The following NR3C2 variants were observed in gnomAD, a reference collection of about 807,000 sequenced individuals.
The protein encoded by NR3C2 is nuclear receptor subfamily 3 group C member 2.
In NR3C2, 15 loss-of-function variants were observed where a neutral mutation model predicts 86.4. The observed-to-expected ratio is 0.17, with a 90% CI of 0.12 to 0.27. The LOEUF (loss-of-function observed/expected upper bound fraction) is 0.27, where lower values mean the gene tolerates loss of function less well. NR3C2 is among the 10% of genes least tolerant of loss of function. The pLI, the probability that NR3C2 is intolerant of heterozygous loss-of-function variation, is 1.00. For missense variants in NR3C2, 960 were observed against 1,195.6 expected (o/e 0.80, Z 2.91); for synonymous variants, 458 against 450.5 (o/e 1.02, Z -0.21).
In NR3C2 at chr4:148,096,187, A is replaced by C. The variant is rs541442340; in HGVS notation, c.2800-14688T>G. ...AGAGAAAAATGACACAATGGAAAAG[A>C]AGAAAGTGGAGCTTACAGATAAAGG... On this transcript the variant is annotated intron_variant, in intron 8 of 8. Coordinates refer to ENST00000358102, the MANE Select transcript of NR3C2 (RefSeq NM_000901.5). Among the ~76,000 whole-genome samples the C allele has an allele frequency of 8.5e-5, 13 of 152,324 alleles. No homozygotes were observed. In the South Asian group the frequency reaches 2.1e-3, roughly 24 times the overall value.
chr4:148,257,733 G>A (rs541111336), intron 3 of NR3C2, among the ~76,000 whole-genome samples: 1 of 152,058 alleles, frequency 6.6e-6, no homozygotes, highest in Admixed American at 6.6e-5. Context: ...GGATAAAAGA[G>A]TAAACTAACA....
intron 2 of NR3C2, among the ~76,000 whole-genome samples, chr4:148,323,765 CTGTGCCCACTGTCT>C (rs1407179053): frequency 6.6e-6 from 1 of 152,114 alleles, no homozygotes; most frequent in Non-Finnish European, 1.5e-5. Context: ...ACCCACTGAC[CTGTGCCCACTGTCT>C]GGCACTCCCT....
Position 148,259,884 on chromosome 4 carries a change from T to C in NR3C2, c.1897+94A>G, listed in dbSNP as rs141973281. ...TGACAGATTAAATCAAAAATCTTTT[T>C]GAAGAATTCCCAATAATGCTATAGC... On this transcript the variant is annotated intron_variant, in intron 3 of 8. Coordinates refer to ENST00000358102, the MANE Select transcript of NR3C2 (RefSeq NM_000901.5). 188 of 1,506,268 alleles carry C rather than the reference T, an allele frequency of 1.2e-4. No individual in the cohort carries two copies. In the East Asian group the frequency reaches 2.2e-3, roughly 18 times the overall value. The allele number at this position is 1,506,268 out of a possible 1,614,324, so 93.3% of individuals were successfully genotyped here. A position where few individuals can be genotyped will look rare whatever the true frequency, so the allele number is the denominator to read the frequency against.
In NR3C2 at chr4:148,334,692, A is replaced by C. The variant is rs1744396412; in HGVS notation, c.1758-74575T>G. ...AAAAAAGTGTCTGTAGCTATCAAAC[A>C]GATTATCTTAAAACATTCTTGAACT... On this transcript the variant is annotated intron_variant, in intron 2 of 8. Transcript: ENST00000358102. Among the ~76,000 whole-genome samples, 3 of 152,260 alleles carry C rather than the reference A, an allele frequency of 2.0e-5. No individual in the cohort carries two copies. In the South Asian group the frequency reaches 6.2e-4, roughly 31 times the overall value.
intron 2 of NR3C2, among the ~76,000 whole-genome samples, chr4:148,409,337 T>C (rs1373178668): frequency 6.6e-6 from 1 of 152,154 alleles, no homozygotes; most frequent in Non-Finnish European, 1.5e-5. Context: ...TTCTCTTCTG[T>C]CTCTAAAAAT....
At chr4:148,409,853 A>C (rs1748607950) in intron 2 of NR3C2, among the ~76,000 whole-genome samples, 1 of 152,220 alleles carries the variant, frequency 6.6e-6, no homozygotes, top group South Asian at 2.1e-4. Flanking sequence ...ATTTTTCCTT[A>C]GGAATGTAAG....
chr4:148,212,630 T>C (rs1287121307), intron 3 of NR3C2, among the ~76,000 whole-genome samples: 1 of 152,174 alleles, frequency 6.6e-6, no homozygotes, highest in Non-Finnish European at 1.5e-5. Context: ...CAAACACATA[T>C]AGGGAGCCAA....
At chr4:148,363,617 C>T (rs974749506) in intron 2 of NR3C2, among the ~76,000 whole-genome samples, 5 of 150,712 alleles carry the variant, frequency 3.3e-5, no homozygotes, top group Non-Finnish European at 5.9e-5. Context: ...CATACTCCTG[C>T]CTCAGCCTCC....
chr4:148,319,716 T>C (rs1264756302), intron 2 of NR3C2, among the ~76,000 whole-genome samples: 4 of 151,032 alleles, frequency 2.6e-5, no homozygotes, highest in African/African-American at 4.9e-5. Flanking sequence ...GTGATTTTTG[T>C]ACATTGATTT....
chr4:148,369,586 C>G (rs1359656784), intron 2 of NR3C2, among the ~76,000 whole-genome samples: 1 of 152,184 alleles, frequency 6.6e-6, no homozygotes, highest in African/African-American at 2.4e-5. Flanking sequence ...TTCTTTAGCA[C>G]TTTGAGTATA....
chr4:148,425,196 T>C (rs1749468077), intron 2 of NR3C2, among the ~76,000 whole-genome samples: 1 of 152,178 alleles, frequency 6.6e-6, no homozygotes, highest in Non-Finnish European at 1.5e-5. Flanking sequence ...AATCCATCCA[T>C]TCATTCTCTC....
At chr4:148,178,953 A>C (rs1250365452) in intron 4 of NR3C2, among the ~76,000 whole-genome samples, 1 of 151,320 alleles carries the variant, frequency 6.6e-6, no homozygotes, top group Non-Finnish European at 1.5e-5. Context: ...AAAAACAAAA[A>C]AAAACAACAA....
At chr4:148,129,437 G>T (rs9994070) in intron 6 of NR3C2, among the ~76,000 whole-genome samples, 18,060 of 152,102 alleles carry the variant, frequency 0.12, 1,196 homozygotes, top group South Asian at 0.19. Flanking sequence ...CTGGAGACTG[G>T]TTGCACAACA....
chr4:148,374,753 C>A (rs921167662), intron 2 of NR3C2, among the ~76,000 whole-genome samples: 2 of 152,136 alleles, frequency 1.3e-5, no homozygotes, highest in Non-Finnish European at 2.9e-5. Flanking sequence ...TATGACACTA[C>A]TGAAAAATTC....
At chr4:148,423,222 T>C (rs1749368013) in intron 2 of NR3C2, among the ~76,000 whole-genome samples, 1 of 88,350 alleles carries the variant, frequency 1.1e-5, no homozygotes, top group Non-Finnish European at 2.7e-5. Flanking sequence ...ATGTCATTCC[T>C]GAATTAAAAA....
intron 2 of NR3C2, among the ~76,000 whole-genome samples, chr4:148,363,521 T>TTTTTTTTTTTTTTTA: frequency 1.3e-5 from 2 of 148,344 alleles, no homozygotes; most frequent in Admixed American, 6.7e-5. Context: ...TTTTTTTTTT[T>TTTTTTTTTTTTTTTA]GAGACGGAGT....
intron 6 of NR3C2, among the ~76,000 whole-genome samples, chr4:148,151,253 T>C (rs1471298846): frequency 1.6e-5 from 2 of 122,130 alleles, no homozygotes; most frequent in Non-Finnish European, 3.5e-5. Context: ...ATAGAGATTC[T>C]TATTTACTCA....
At position 148,134,577 on chromosome 4, in the gene NR3C2, A is replaced by G. The variant is rs183062326; in HGVS notation, c.2511-14289T>C. Among the ~76,000 whole-genome samples the G allele has an allele frequency of 2.8e-3, 419 of 148,700 alleles. 2 individuals are homozygous for G. The highest frequency in any genetic ancestry group is 9.8e-3 in the African/African-American group (387 of 39,600). On this transcript the variant is annotated intron_variant, in intron 6 of 8. Coordinates refer to ENST00000358102, the MANE Select transcript of NR3C2 (RefSeq NM_000901.5). The stretch of plus-strand genomic sequence containing the variant: ...TGGTTTTTTGTGTTCATTGCTTAGA[A>G]GCAGTGAGTGTTAAGGACAACACCT...
In NR3C2 at chr4:148,081,490, C is replaced by T. The variant is rs886059129; in HGVS notation, c.2809G>A (p.Asp937Asn). The T allele has an allele frequency of 5.0e-6, 8 of 1,613,946 alleles. No homozygotes were observed. The highest frequency in any genetic ancestry group is 2.2e-5 in the South Asian group (2 of 91,060). ...LLDSMHDLVSDLLEFCFYTFR... is the reference protein window; with the variant it reads ...LLDSMHDLVSNLLEFCFYTFR... Reference sequence around the variant, plus strand: ...GTGTAGAAGCAGAATTCCAGCAGGTCGCTCACCAGCTGTAACACAGACACA... The same window carrying T: ...GTGTAGAAGCAGAATTCCAGCAGGTTGCTCACCAGCTGTAACACAGACACA... The change falls in exon 9 of 9, where the codon GAC becomes AAC. Residue 937 changes from aspartate to asparagine, a missense_variant. By Grantham distance (23) the Asp-to-Asn change is conservative. This residue lies in a region of NR3C2 where 151 missense variants were observed against 296.3 expected (regional missense o/e 0.51). Coordinates refer to ENST00000358102, the MANE Select transcript of NR3C2 (RefSeq NM_000901.5).
Sources: allele counts gnomAD v4.1 joint callset (sites outside exome capture counted in the v4.1 genomes callset), GRCh38; gene constraint gnomAD v4.1.1; regional missense constraint gnomAD v4.1.1; transcripts MANE v1.5; gene names NCBI Gene and HGNC (gene_info 2026-07-23, HGNC 2026-07-21).